ABL1: variants seen among roughly 807,000 people sequenced by gnomAD.
ABL1 encodes the protein ABL proto-oncogene 1, non-receptor tyrosine kinase, also known as tyrosine-protein kinase ABL1.
A neutral mutation model predicts 94.7 loss-of-function variants in ABL1; 11 were observed. The observed-to-expected ratio is 0.12, with a 90% confidence interval of 0.07 to 0.19. ABL1 has a LOEUF of 0.19. Among genes scored for constraint, ABL1 ranks in the 10% least tolerant of loss-of-function variants. ABL1 has a pLI of 1.00. For missense variants in ABL1, 1,082 were observed against 1,489.4 expected, an observed-to-expected ratio of 0.73 and a Z score of 4.50; for synonymous variants, 656 against 622.4, an observed-to-expected ratio of 1.05 and a Z score of -0.80.
chr9:130,883,957 C>G lies in ABL1; in HGVS notation c.1679-12C>G. Reference sequence around the variant, plus strand: ...TTGTCTGGAGTTGTCAGCTCTTCCCCTTGCGTTTCAGATCCTCTGGACCAT... The same window carrying G: ...TTGTCTGGAGTTGTCAGCTCTTCCCGTTGCGTTTCAGATCCTCTGGACCAT... On this transcript the variant is annotated splice_polypyrimidine_tract_variant and intron_variant, in intron 10 of 10. Coordinates refer to ENST00000318560, the MANE Select transcript of ABL1 (RefSeq NM_005157.6). The G allele has an allele frequency of 6.2e-7, 1 of 1,600,190 alleles. No homozygotes were observed. Among genetic ancestry groups the G allele is most frequent in the Non-Finnish European group, 8.5e-7 (1 of 1,174,430 alleles).
intron 1 of ABL1, among the ~76,000 whole-genome samples, chr9:130,849,978 G>A (rs76863691): frequency 2.0e-5 from 3 of 152,240 alleles, no homozygotes; most frequent in East Asian, 1.9e-4. Flanking sequence ...GTGGAAGCTC[G>A]TAACTGGCTT....
At chr9:130,740,110 T>G (rs988149452) in intron 1 of ABL1, among the ~76,000 whole-genome samples, 4 of 152,230 alleles carry the variant, frequency 2.6e-5, no homozygotes, top group Non-Finnish European at 5.9e-5. Flanking sequence ...CATGCCAACT[T>G]CCACTGAAGT....
chr9:130,864,743 CG>C (rs993562991), intron 4 of ABL1, among the ~76,000 whole-genome samples: 6 of 152,112 alleles, frequency 3.9e-5, no homozygotes, highest in African/African-American at 1.4e-4. Context: ...GAAGGAGGGA[CG>C]GGGGAGCTGT....
intron 1 of ABL1, among the ~76,000 whole-genome samples, chr9:130,796,528 A>T (rs933383000): frequency 1.1e-4 from 16 of 152,180 alleles, no homozygotes; most frequent in African/African-American, 3.9e-4. Flanking sequence ...TTGTTTTGAT[A>T]AAATCTGGCC....
At chr9:130,726,514 C>T (rs552485476) in intron 1 of ABL1, among the ~76,000 whole-genome samples, 10 of 152,314 alleles carry the variant, frequency 6.6e-5, no homozygotes, top group African/African-American at 2.4e-4. Context: ...CTCTCACACA[C>T]ACCTTTTCAG....
At chr9:130,747,448 C>T (rs999658459) in intron 1 of ABL1, among the ~76,000 whole-genome samples, 11 of 152,072 alleles carry the variant, frequency 7.2e-5, no homozygotes, top group Non-Finnish European at 4.4e-5. Context: ...GAGTGTTGCT[C>T]TGTCGCCCAG....
chr9:130,866,590 A>G (rs986815988), intron 4 of ABL1, among the ~76,000 whole-genome samples: 3 of 151,934 alleles, frequency 2.0e-5, no homozygotes, highest in African/African-American at 7.3e-5. Flanking sequence ...TTTAACCGCA[A>G]CTCCATAGTG....
At chr9:130,819,384 A>G (rs561862210) in intron 1 of ABL1, among the ~76,000 whole-genome samples, 8 of 151,890 alleles carry the variant, frequency 5.3e-5, no homozygotes, top group Non-Finnish European at 1.2e-4. Context: ...AAGACAAAAT[A>G]AATTTTCTCA....
At chr9:130,750,213 A>G (rs1169255403) in intron 1 of ABL1, among the ~76,000 whole-genome samples, 1 of 123,460 alleles carries the variant, frequency 8.1e-6, no homozygotes, top group Non-Finnish European at 1.6e-5. Context: ...ATATATATAT[A>G]TATATATATA....
At chr9:130,824,339 T>C (rs1302514656) in intron 1 of ABL1, among the ~76,000 whole-genome samples, 1 of 152,090 alleles carries the variant, frequency 6.6e-6, no homozygotes. Context: ...GGAGGGTAAA[T>C]CCAACCTTCC....
chr9:130,756,109 C>T (rs989889933), intron 1 of ABL1, among the ~76,000 whole-genome samples: 1 of 152,124 alleles, frequency 6.6e-6, no homozygotes. Context: ...CCACTTTTCT[C>T]ATAGAGAAGA....
chr9:130,729,876 C>T (rs1831639320), intron 1 of ABL1, among the ~76,000 whole-genome samples: 2 of 150,350 alleles, frequency 1.3e-5, no homozygotes, highest in Non-Finnish European at 1.5e-5. Flanking sequence ...GCTGGGACTA[C>T]AGGCATGCAC....
At chr9:130,836,669 C>CA (rs1588259924) in intron 1 of ABL1, among the ~76,000 whole-genome samples, 1 of 151,544 alleles carries the variant, frequency 6.6e-6, no homozygotes, top group Admixed American at 6.6e-5. Context: ...ACTAAAAATA[C>CA]AAAAAATTAG....
intron 1 of ABL1, among the ~76,000 whole-genome samples, chr9:130,839,061 T>C (rs1483447441): frequency 6.6e-6 from 1 of 151,766 alleles, no homozygotes; most frequent in African/African-American, 2.4e-5. Context: ...AGGCATATGC[T>C]ACCTGACTAA....
At position 130,880,178 on chromosome 9, in the gene ABL1, T is replaced by TCACCCC. The variant is rs777249912; in HGVS notation, c.1513+21_1513+22insCACCCC. On this transcript the variant is annotated intron_variant, in intron 9 of 10. Transcript: ENST00000318560. The surrounding 1 kb of genome is among the most constrained non-coding windows in gnomAD (Gnocchi z 4.4). The stretch of plus-strand genomic sequence containing the variant: ...AGACGGTAAAGTACCCATCCCGGGG[T>TCACCCC]ACCTGCAGTGGGGTGAAAGGGCAGC... The TCACCCC allele has an allele frequency of 1.6e-4, 253 of 1,609,878 alleles. 1 individual carries two copies. The African/African-American group carries it at 3.2e-3, about 20-fold the overall frequency.
At position 130,887,060 on chromosome 9, in the gene ABL1, TGG is replaced by T. The variant is rs1468638272; in HGVS notation, c.*1379_*1380del. ...AGCCCAGATACGGGGGCTGTGACTC[TGG>T]GCAGGGACCCGGGGTCTCCTGGACC... On this transcript the variant is annotated 3_prime_UTR_variant, in exon 11 of 11. Transcript: ENST00000318560. 1 of 232,844 alleles carries T rather than the reference TGG, an allele frequency of 4.3e-6. No individual in the cohort carries two copies. Among genetic ancestry groups the T allele is most frequent in the African/African-American group, 2.2e-5 (1 of 45,318 alleles). The allele number at this position is 232,844 out of a possible 1,614,324, so 14.4% of individuals were successfully genotyped here.
intron 1 of ABL1, among the ~76,000 whole-genome samples, chr9:130,750,208 T>TATATATATATATATATATAC (rs1831940201): frequency 1.5e-5 from 1 of 68,254 alleles, no homozygotes; most frequent in African/African-American, 5.0e-5. Flanking sequence ...TATATATATA[T>TATATATATATATATATATAC]ATATATATAT....
chr9:130,807,490 G>A (rs554117501), intron 1 of ABL1, among the ~76,000 whole-genome samples: 113 of 151,802 alleles, frequency 7.4e-4, no homozygotes, highest in Middle Eastern at 3.4e-3. Context: ...TCTGCCCGCC[G>A]TGGCCTCCCA....
chr9:130,864,826 A>G (rs995176815), intron 4 of ABL1, among the ~76,000 whole-genome samples: 9 of 152,214 alleles, frequency 5.9e-5, no homozygotes, highest in Admixed American at 2.0e-4. Flanking sequence ...TGACCAGCTC[A>G]GCAAACTGAG....
Sources: allele counts gnomAD v4.1 joint callset (sites outside exome capture counted in the v4.1 genomes callset), GRCh38; gene constraint gnomAD v4.1.1; non-coding constraint Gnocchi (gnomAD v3.1); transcripts MANE v1.5; gene names NCBI Gene and HGNC (gene_info 2026-07-23, HGNC 2026-07-21).